The following NWD1 variants were observed in gnomAD, a reference collection of about 807,000 sequenced individuals.
The protein encoded by NWD1 is NACHT domain- and WD repeat-containing protein 1.
A neutral mutation model predicts 135.1 loss-of-function variants in NWD1; 129 were observed. The observed-to-expected ratio is 0.96, with a 90% CI of 0.83 to 1.11. The LOEUF is 1.11. Among genes scored for constraint, NWD1 ranks in the 50% least tolerant of loss-of-function variants. NWD1 has a pLI of 0.00. For synonymous variants in NWD1, 773 were observed against 786.0 expected, an observed-to-expected ratio of 0.98 and a Z score of 0.28; for missense variants, 1,740 against 1,851.3, an observed-to-expected ratio of 0.94 and a Z score of 1.10.
At chr19:16,810,024 T>A (rs546068342) in intron 18 of NWD1, among the ~76,000 whole-genome samples, 2 of 152,292 alleles carry the variant, frequency 1.3e-5, no homozygotes, top group Non-Finnish European at 2.9e-5. Context: ...CACAGTGAGC[T>A]CTGTCTGGGC....
rs1435206836 is a variant in NWD1 at position 16,773,375 on chromosome 19, G to A, written c.2608+52G>A. 2.7e-6 allele frequency: 4 copies of A among 1,488,504 alleles called. No homozygotes were observed. The Admixed American group carries it at 5.3e-5, about 20-fold the overall frequency. 92.2% of individuals were successfully genotyped at this position (1,488,504 alleles called of 1,614,324 possible). A position where few individuals can be genotyped will look rare whatever the true frequency, so the allele number is the denominator to read the frequency against. The stretch of plus-strand genomic sequence containing the variant: ...CCCAGCAGGCACCTGCTTGCCTGGG[G>A]GCAGTGAAGGCCAGGTGTTTGAGGT... On this transcript the variant is annotated intron_variant, in intron 11 of 18. Transcript: ENST00000524140.
chr19:16,787,879 T>C (rs1352307399), intron 12 of NWD1, among the ~76,000 whole-genome samples: 12 of 44,222 alleles, frequency 2.7e-4, no homozygotes, highest in African/African-American at 7.4e-5. Context: ...ATAATAACAA[T>C]AATAATAATA....
intron 12 of NWD1, among the ~76,000 whole-genome samples, chr19:16,786,663 C>T (rs1293716248): frequency 6.6e-5 from 10 of 152,076 alleles, no homozygotes; most frequent in Non-Finnish European, 1.5e-4. Flanking sequence ...TTTCCTGCCT[C>T]AGCTTCCCGA....
At chr19:16,783,665 A>AT (rs1244755475) in intron 12 of NWD1, among the ~76,000 whole-genome samples, 2 of 149,702 alleles carry the variant, frequency 1.3e-5, no homozygotes, top group Admixed American at 1.3e-4. Flanking sequence ...TAATAAATAA[A>AT]TAAAATAAAA....
intron 17 of NWD1, among the ~76,000 whole-genome samples, chr19:16,805,650 C>G (rs1031687409): frequency 6.6e-6 from 1 of 152,070 alleles, no homozygotes; most frequent in Non-Finnish European, 1.5e-5. Context: ...TTTCCTTGGG[C>G]CCTGGTTCAC....
intron 17 of NWD1, 66 bp from the exon 18 acceptor site, chr19:16,807,520 C>T (rs1335950289): frequency 1.5e-6 from 2 of 1,339,776 alleles, no homozygotes; most frequent in Non-Finnish European, 2.0e-6. Context: ...AAAAAAACCA[C>T]CAGGGAAGCA....
intron 11 of NWD1, among the ~76,000 whole-genome samples, chr19:16,778,494 C>CTTCTTCTTTTTTTT (rs200410922): frequency 9.3e-6 from 1 of 107,570 alleles, no homozygotes; most frequent in African/African-American, 4.8e-5. Context: ...TCTTCTTCTT[C>CTTCTTCTTTTTTTT]TTTTTTTTTT....
At chr19:16,747,528 C>T (rs1356147424) in intron 5 of NWD1, among the ~76,000 whole-genome samples, 1 of 151,594 alleles carries the variant, frequency 6.6e-6, no homozygotes, top group Non-Finnish European at 1.5e-5. Context: ...AGTCACACGC[C>T]ATCACAGGTG....
intron 6 of NWD1, among the ~76,000 whole-genome samples, chr19:16,754,790 TCATCCATC>T (rs112223594): frequency 4.1e-5 from 6 of 145,262 alleles, no homozygotes; most frequent in Admixed American, 6.8e-5. Context: ...ATCATCTCTA[TCATCCATC>T]CATCCATCCA....
intron 18 of NWD1, among the ~76,000 whole-genome samples, chr19:16,809,530 T>C (rs2144521482): frequency 6.6e-6 from 1 of 150,534 alleles, no homozygotes; most frequent in East Asian, 2.0e-4. Flanking sequence ...GGCTCTGTGC[T>C]ATTTCTTTTT....
At chr19:16,804,813 C>A (rs1421556048) in intron 17 of NWD1, among the ~76,000 whole-genome samples, 1 of 137,916 alleles carries the variant, frequency 7.3e-6, no homozygotes, top group African/African-American at 3.4e-5. Context: ...CTCCCTGGGG[C>A]CTCTTTTTTT....
intron 16 of NWD1, among the ~76,000 whole-genome samples, 189 bp from the exon 17 acceptor site, chr19:16,799,697 G>T (rs1970535366): frequency 6.6e-6 from 1 of 151,800 alleles, no homozygotes; most frequent in South Asian, 2.1e-4. Context: ...TATTAGAGAT[G>T]GGGTTTCTCC....
chr19:16,773,084 G>C, intron 10 of NWD1, 42 bp from the exon 11 acceptor site: 1 of 1,562,084 alleles, frequency 6.4e-7, no homozygotes. Context: ...AGGGTAGAGG[G>C]GGCTCAATCC....
Position 16,726,199 on chromosome 19 carries a change from T to C in NWD1, c.-7+1736T>C, listed in dbSNP as rs1967322656. On this transcript the variant is annotated intron_variant, in intron 2 of 18. Transcript: ENST00000524140. ...CTGGTCTCGAACTCTTGACCTCAGG[T>C]GATCTGCCCACCTCGGCCTCCCAAA... 2.0e-5 allele frequency among the ~76,000 whole-genome samples: 3 copies of C among 152,102 alleles called. 1 individual carries two copies. The highest frequency in any genetic ancestry group is 1.3e-4 in the Admixed American group (2 of 15,234).
chr19:16,754,757 GCCAT>G (rs1396480261), intron 6 of NWD1, among the ~76,000 whole-genome samples: 2 of 125,552 alleles, frequency 1.6e-5, no homozygotes, highest in Admixed American at 1.7e-4. Flanking sequence ...CATCTCTATA[GCCAT>G]CCATCCATCC....
At chr19:16,786,640 A>G (rs1970049803) in intron 12 of NWD1, among the ~76,000 whole-genome samples, 2 of 151,744 alleles carry the variant, frequency 1.3e-5, no homozygotes, top group African/African-American at 4.8e-5. Context: ...TCTGCTTCCC[A>G]GGTTCAAGCG....
Position 16,815,772 on chromosome 19 carries a change from C to A in NWD1, c.*733C>A. ...TGAGATGCAAACTGGAGTTCTGGTA[C>A]CAGATGAAGGGGGAACGGATGAATG... On this transcript the variant is annotated 3_prime_UTR_variant, in exon 19 of 19. Transcript: ENST00000524140. 1 of 158,516 alleles carries A rather than the reference C, an allele frequency of 6.3e-6. No individual in the cohort carries two copies. Among genetic ancestry groups the A allele is most frequent in the Non-Finnish European group, 1.4e-5 (1 of 71,928 alleles). 9.8% of individuals were successfully genotyped at this position (158,516 alleles called of 1,614,324 possible).
At chr19:16,805,209 G>A (rs1415463013) in intron 17 of NWD1, among the ~76,000 whole-genome samples, 2 of 151,464 alleles carry the variant, frequency 1.3e-5, no homozygotes, top group African/African-American at 2.4e-5. Flanking sequence ...CAGGTGTGCA[G>A]CACAATGCCT....
chr19:16,803,185 G>C (rs1970653893), intron 17 of NWD1, among the ~76,000 whole-genome samples: 1 of 152,158 alleles, frequency 6.6e-6, no homozygotes, highest in South Asian at 2.1e-4. Flanking sequence ...GTATGGGGGA[G>C]ACTGCCTCCA....
Sources: gnomAD v4.1 joint callset for allele counts (sites outside exome capture counted in the v4.1 genomes callset) on GRCh38, gnomAD v4.1.1 for gene constraint, MANE v1.5 for transcripts, NCBI Gene and HGNC (gene_info 2026-07-23, HGNC 2026-07-21) for gene names.